Variants in SUCO observed in about 807,000 individuals in gnomAD.
The protein encoded by SUCO is SUN domain-containing ossification factor.
A neutral mutation model predicts 148.1 loss-of-function variants in SUCO; 57 were observed. That is an observed-to-expected ratio of 0.38 (90% CI 0.31 to 0.48). The LOEUF is 0.48. Among genes scored for constraint, SUCO ranks in the 20% least tolerant of loss-of-function variants. The pLI is 0.96. For synonymous variants in SUCO, 470 were observed against 502.7 expected, an observed-to-expected ratio of 0.93 and a Z score of 0.87; for missense variants, 1,331 against 1,468.2, an observed-to-expected ratio of 0.91 and a Z score of 1.53.
intron 6 of SUCO, among the ~76,000 whole-genome samples, chr1:172,562,113 A>C (rs888771041): frequency 6.6e-6 from 1 of 152,066 alleles, no homozygotes; most frequent in African/African-American, 2.4e-5. Flanking sequence ...GGAGGAAAAC[A>C]CTGCTCCCAC....
At chr1:172,588,662 C>A in intron 17 of SUCO, 98 bp from the exon 18 acceptor site, 2 of 1,253,380 alleles carry the variant, frequency 1.6e-6, no homozygotes, top group Non-Finnish European at 2.0e-6. Flanking sequence ...TATTTCCAAC[C>A]TTTTATCTTC....
chr1:172,611,276 A>C lies in SUCO; in HGVS notation c.*1017A>C, dbSNP rs1260028217. The C allele has an allele frequency of 6.6e-6, 1 of 152,666 alleles. No individual in the cohort carries two copies. Among genetic ancestry groups the C allele is most frequent in the Admixed American group, 6.5e-5 (1 of 15,280 alleles). The allele number at this position is 152,666 out of a possible 1,614,324, so 9.5% of individuals were successfully genotyped here. A position where few individuals can be genotyped will look rare whatever the true frequency, so the allele number is the denominator to read the frequency against. ...CCTTGATGTTTGCTTTGTATTGGCT[A>C]CAAATGTGCAGAGGTAATACATATG... is the stretch of plus-strand genomic sequence containing the variant. On this transcript the variant is annotated 3_prime_UTR_variant, in exon 24 of 24. Transcript: ENST00000263688.
At chr1:172,593,481 T>C (rs890855881) in intron 19 of SUCO, among the ~76,000 whole-genome samples, 10 of 152,230 alleles carry the variant, frequency 6.6e-5, no homozygotes, top group Admixed American at 5.9e-4. Flanking sequence ...GTTTTTAGCA[T>C]GAAGGGTTGT....
At chr1:172,551,744 T>C (rs1653317769) in intron 2 of SUCO, 118 bp downstream of exon 2, 1 of 626,348 alleles carries the variant, frequency 1.6e-6, no homozygotes, top group Non-Finnish European at 2.7e-6. Flanking sequence ...TGGAGATTCG[T>C]ATTTTTCTTT....
intron 6 of SUCO, among the ~76,000 whole-genome samples, chr1:172,564,730 G>A (rs115564112): frequency 0.012 from 1,800 of 151,876 alleles, 13 homozygotes; most frequent in Middle Eastern, 0.051. Context: ...TTAGGACAAG[G>A]ATTTACTATG....
At chr1:172,544,842 G>T (rs1652745152) in intron 1 of SUCO, among the ~76,000 whole-genome samples, 1 of 152,186 alleles carries the variant, frequency 6.6e-6, no homozygotes, top group Non-Finnish European at 1.5e-5. Context: ...CTTAAGCAGG[G>T]GAATGGTAGT....
chr1:172,586,958 G>GT (rs1656287906), intron 17 of SUCO, among the ~76,000 whole-genome samples: 1 of 152,068 alleles, frequency 6.6e-6, no homozygotes, highest in Admixed American at 6.5e-5. Context: ...CATTCTTGGT[G>GT]TTTCTAATTA....
intron 8 of SUCO, 25 bp downstream of exon 8, chr1:172,570,196 G>GTA: frequency 6.9e-7 from 1 of 1,442,634 alleles, no homozygotes; most frequent in Non-Finnish European, 9.4e-7. Flanking sequence ...ATAAAATTTT[G>GTA]TATATATAGG....
At position 172,610,053 on chromosome 1, in the gene SUCO, C is replaced by T; in HGVS notation, c.3559C>T (p.Leu1187=). Residue 1187 remains leucine, a synonymous_variant, in exon 24 of 24, where the codon CTG becomes TTG. Transcript: ENST00000263688. The part of the protein sequence containing the change: ...YFCGISACTS[L]CNGQSQKTKT... ...TTGTGGCATTTCAGCTTGCACAAGTCTGTGCAATGGACAGTCTCAAAAGAC... is the reference window on the plus strand; with the variant it reads ...TTGTGGCATTTCAGCTTGCACAAGTTTGTGCAATGGACAGTCTCAAAAGAC... 1 of 1,613,888 alleles carries T rather than the reference C, an allele frequency of 6.2e-7. No homozygotes were observed. Among genetic ancestry groups the T allele is most frequent in the Non-Finnish European group, 8.5e-7 (1 of 1,179,878 alleles).
intron 6 of SUCO, among the ~76,000 whole-genome samples, 195 bp downstream of exon 6, chr1:172,557,989 A>G (rs1420947562): frequency 6.6e-6 from 1 of 152,208 alleles, no homozygotes; most frequent in East Asian, 1.9e-4. Flanking sequence ...TTATCACATA[A>G]AGTTGTTTCA....
At chr1:172,590,738 T>G (rs1224495405) in intron 18 of SUCO, among the ~76,000 whole-genome samples, 19 of 152,182 alleles carry the variant, frequency 1.2e-4, no homozygotes, top group Non-Finnish European at 4.4e-5. Flanking sequence ...ATGTGTAACA[T>G]GCCCACTTAG....
At chr1:172,563,101 A>G (rs982133169) in intron 6 of SUCO, among the ~76,000 whole-genome samples, 3 of 152,180 alleles carry the variant, frequency 2.0e-5, no homozygotes, top group Non-Finnish European at 4.4e-5. Context: ...GTCAATTAAA[A>G]ATTAAACCTC....
chr1:172,599,723 T>C (rs1558212801), intron 19 of SUCO, among the ~76,000 whole-genome samples: 1 of 152,238 alleles, frequency 6.6e-6, no homozygotes, highest in Non-Finnish European at 1.5e-5. Context: ...CACTGACTTC[T>C]TAAATATTTC....
chr1:172,589,807 A>T lies in SUCO; in HGVS notation c.2706A>T (p.Gly902=). The T allele has an allele frequency of 6.2e-7, 1 of 1,611,778 alleles. No individual in the cohort carries two copies. The highest frequency in any genetic ancestry group is 8.5e-7 in the Non-Finnish European group (1 of 1,179,194). Residue 902 remains glycine, a synonymous_variant, in exon 18 of 24, where the codon GGA becomes GGT. Coordinates refer to ENST00000263688, the MANE Select transcript of SUCO (RefSeq NM_014283.5). The part of the protein sequence containing the change: ...QNSTDLGYAN[G]NLVHGSNQKE... ...CTACAGATCTAGGATATGCTAATGG[A>T]AATCTTGTACATGGATCAAACCAAA... is the stretch of plus-strand genomic sequence containing the variant.
At chr1:172,600,851 A>G (rs967313966) in intron 20 of SUCO, among the ~76,000 whole-genome samples, 11 of 152,116 alleles carry the variant, frequency 7.2e-5, no homozygotes, top group African/African-American at 2.4e-4. Flanking sequence ...GCCTGGAATG[A>G]TAACAAACCT....
In SUCO at chr1:172,543,154, G is replaced by T. The variant is rs1046234918; in HGVS notation, c.63-8358G>T. The T allele has an allele frequency of 1.3e-5, 4 of 302,768 alleles. No individual in the cohort carries two copies. The South Asian group carries it at 3.9e-4, about 30-fold the overall frequency. 18.8% of individuals were successfully genotyped at this position (302,768 alleles called of 1,614,324 possible). On this transcript the variant is annotated intron_variant, in intron 1 of 23. Coordinates refer to ENST00000263688, the MANE Select transcript of SUCO (RefSeq NM_014283.5). ...GCTTTGATTATGTCAGTCCCCTGATGAAATATCTTTCAAAGGCTCCTTGAA... is the reference window on the plus strand; with the variant it reads ...GCTTTGATTATGTCAGTCCCCTGATTAAATATCTTTCAAAGGCTCCTTGAA...
upstream of SUCO, chr1:172,533,047 G>A (rs1037222139): frequency 5.0e-5 from 72 of 1,431,820 alleles, 3 homozygotes; most frequent in South Asian, 9.4e-4. Flanking sequence ...AGCGGTGTGT[G>A]AGGTGTCGCG....
At chr1:172,574,227 T>A (rs1320822829) in intron 10 of SUCO, among the ~76,000 whole-genome samples, 1 of 152,044 alleles carries the variant, frequency 6.6e-6, no homozygotes, top group Admixed American at 6.6e-5. Flanking sequence ...TATTCTCTTA[T>A]AATGTGGGGA....
At chr1:172,544,787 A>G (rs542995657) in intron 1 of SUCO, among the ~76,000 whole-genome samples, 1 of 152,322 alleles carries the variant, frequency 6.6e-6, no homozygotes, top group South Asian at 2.1e-4. Flanking sequence ...GCATGTGGAG[A>G]GAAGCTTGAG....
Sources: gnomAD v4.1 joint callset for allele counts (sites outside exome capture counted in the v4.1 genomes callset) on GRCh38, gnomAD v4.1.1 for gene constraint, MANE v1.5 for transcripts, NCBI Gene and HGNC (gene_info 2026-07-23, HGNC 2026-07-21) for gene names.